Variants in COBLL1 observed in about 807,000 individuals in gnomAD.
The protein encoded by COBLL1 is cordon-bleu protein-like 1.
Under a neutral mutation model 94.8 loss-of-function variants are expected in COBLL1, and 50 were observed. The observed-to-expected ratio is 0.53, with a 90% confidence interval of 0.42 to 0.67. The LOEUF (loss-of-function observed/expected upper bound fraction) is 0.67. Among genes scored for constraint, COBLL1 ranks in the 30% least tolerant of loss-of-function variants. The probability of loss-of-function intolerance (pLI) is 0.00; values close to 1 mark genes in which losing one functional copy is unlikely to be tolerated. For missense variants in COBLL1, 1,362 were observed against 1,348.7 expected (o/e 1.01, Z -0.15); for synonymous variants, 448 against 473.8 (o/e 0.95, Z 0.71).
At chr2:164,753,502 T>G in intron 2 of COBLL1, among the ~76,000 whole-genome samples, 1 of 152,136 alleles carries the variant, frequency 6.6e-6, no homozygotes, top group Middle Eastern at 3.2e-3. Flanking sequence ...CTTGCCTGCT[T>G]CTTCCAAGTA....
Position 164,841,681 on chromosome 2 carries a change from ATC to A in COBLL1, c.-51+27_-51+28del. The A allele has an allele frequency of 2.5e-6, 1 of 403,548 alleles. No individual in the cohort carries two copies. Among genetic ancestry groups the A allele is most frequent in the Non-Finnish European group, 4.4e-6 (1 of 228,486 alleles). The allele number at this position is 403,548 out of a possible 1,614,324, so 25.0% of individuals were successfully genotyped here. A position where few individuals can be genotyped will look rare whatever the true frequency, so the allele number is the denominator to read the frequency against. On this transcript the variant is annotated intron_variant, in intron 1 of 13. Transcript: ENST00000652658. This position sits in a 1 kb window ranked among gnomAD's most constrained non-coding sequence, Gnocchi z 5.5. ...TCCCGAAGAGAAGTTGGGAGGGCTG[ATC>A]TCTCTTTTCCCACCCAAGGCTCCTA...
chr2:164,813,413 C>G (rs1203634248), intron 2 of COBLL1, among the ~76,000 whole-genome samples: 1 of 152,054 alleles, frequency 6.6e-6, no homozygotes, highest in Non-Finnish European at 1.5e-5. Flanking sequence ...AGACTTTTTA[C>G]CTTGAATCAT....
intron 2 of COBLL1, among the ~76,000 whole-genome samples, chr2:164,757,329 A>G (rs1273652465): frequency 6.6e-6 from 1 of 152,228 alleles, no homozygotes; most frequent in Non-Finnish European, 1.5e-5. Context: ...ATAAATGTTC[A>G]ATCACATTTA....
intron 2 of COBLL1, among the ~76,000 whole-genome samples, chr2:164,746,102 C>A (rs1026493050): frequency 1.6e-4 from 25 of 152,128 alleles, no homozygotes; most frequent in African/African-American, 5.8e-4. Flanking sequence ...TTTGTCCAGA[C>A]CAAAAATCCT....
intron 1 of COBLL1, among the ~76,000 whole-genome samples, chr2:164,670,090 G>T (rs955503485): frequency 6.6e-6 from 1 of 152,088 alleles, no homozygotes; most frequent in Admixed American, 6.5e-5. Flanking sequence ...AGCTTATTCT[G>T]TACCACATTC....
At position 164,782,803 on chromosome 2, in the gene COBLL1, CTATAAA is replaced by C. The variant is rs1475384220; in HGVS notation, c.42-38934_42-38929del. On this transcript the variant is annotated intron_variant, in intron 2 of 13. Transcript: ENST00000652658. ...GCAACTGAAATATAAAAATAACATT[CTATAAA>C]TATATCACATTAAATGTTTAATAAA... is the stretch of plus-strand genomic sequence containing the variant. 6.6e-5 allele frequency among the ~76,000 whole-genome samples: 10 copies of C among 152,180 alleles called. No homozygotes were observed. In the South Asian group the frequency reaches 1.9e-3, roughly 28 times the overall value.
intron 5 of COBLL1, chr2:164,725,134 A>ATATATATATATATATATATATAT (rs1558956185): frequency 3.4e-4 from 19 of 55,356 alleles, no homozygotes; most frequent in African/African-American, 1.6e-3. Flanking sequence ...ATATATATAT[A>ATATATATATATATATATATATAT]AAATGAAAGC....
At chr2:164,806,741 C>A (rs1684175813) in intron 2 of COBLL1, among the ~76,000 whole-genome samples, 1 of 152,010 alleles carries the variant, frequency 6.6e-6, no homozygotes, top group African/African-American at 2.4e-5. Flanking sequence ...ACTCTGTCAC[C>A]CAACCTGTGG....
At chr2:164,786,546 T>C (rs1403276929) in intron 2 of COBLL1, among the ~76,000 whole-genome samples, 2 of 152,186 alleles carry the variant, frequency 1.3e-5, no homozygotes, top group Admixed American at 1.3e-4. Context: ...CTCAGTTTCT[T>C]GGGTGATCCA....
chr2:164,841,439 C>T lies in COBLL1; in HGVS notation c.-50-193G>A, dbSNP rs1312309596. 1.7e-6 allele frequency: 2 copies of T among 1,152,586 alleles called. No individual in the cohort carries two copies. The highest frequency in any genetic ancestry group is 4.2e-5 in the East Asian group (1 of 23,740). The allele number at this position is 1,152,586 out of a possible 1,614,324, so 71.4% of individuals were successfully genotyped here. A position where few individuals can be genotyped will look rare whatever the true frequency, so the allele number is the denominator to read the frequency against. ...CGCCGTCTCTACAAGGTCTAGCGGGCGCCCAGAGCACGGCGGAGGAGGCGG... is the reference window on the plus strand; with the variant it reads ...CGCCGTCTCTACAAGGTCTAGCGGGTGCCCAGAGCACGGCGGAGGAGGCGG... On this transcript the variant is annotated intron_variant, in intron 1 of 13. Transcript: ENST00000652658. This position sits in a 1 kb window ranked among gnomAD's most constrained non-coding sequence, Gnocchi z 5.5.
intron 2 of COBLL1, among the ~76,000 whole-genome samples, chr2:164,832,036 A>T (rs955138302): frequency 3.9e-5 from 6 of 152,142 alleles, no homozygotes; most frequent in African/African-American, 1.4e-4. Context: ...GCACATCTCA[A>T]TCAATACACA....
chr2:164,812,503 C>T (rs1206386922), intron 2 of COBLL1, among the ~76,000 whole-genome samples: 1 of 151,810 alleles, frequency 6.6e-6, no homozygotes, highest in African/African-American at 2.4e-5. Flanking sequence ...AGCAAATAGC[C>T]TTTTTGTGAC....
At chr2:164,697,971 G>A (rs1684041350) in intron 11 of COBLL1, 1 of 151,986 alleles carries the variant, frequency 6.6e-6, no homozygotes, top group Admixed American at 6.6e-5. Flanking sequence ...GATAAGGGTA[G>A]GTAAAAAGGA....
At chr2:164,715,771 T>C (rs765369780) in intron 7 of COBLL1, among the ~76,000 whole-genome samples, 9 of 151,752 alleles carry the variant, frequency 5.9e-5, no homozygotes, top group South Asian at 2.1e-4. Flanking sequence ...TAGTTGAGTG[T>C]TTGTCTGAAG....
At chr2:164,733,760 C>T (rs985872345) in intron 3 of COBLL1, among the ~76,000 whole-genome samples, 8 of 152,144 alleles carry the variant, frequency 5.3e-5, no homozygotes, top group African/African-American at 1.9e-4. Context: ...GTGGATCTTT[C>T]TATGGTTTGT....
chr2:164,757,220 T>TTA, intron 2 of COBLL1, among the ~76,000 whole-genome samples: 1 of 152,316 alleles, frequency 6.6e-6, no homozygotes, highest in East Asian at 1.9e-4. Context: ...CATTGGAACT[T>TTA]TATAAACTCT....
At chr2:164,687,174 C>T (rs1397252729) in intron 13 of COBLL1, 2 of 381,768 alleles carry the variant, frequency 5.2e-6, no homozygotes, top group Non-Finnish European at 4.8e-6. Context: ...AGATTTCTTT[C>T]CAAGTATAGC....
At chr2:164,693,426 G>A (rs949702376) in intron 12 of COBLL1, among the ~76,000 whole-genome samples, 3 of 152,034 alleles carry the variant, frequency 2.0e-5, no homozygotes, top group African/African-American at 7.2e-5. Context: ...AAATACTTCT[G>A]GAACTGTCAC....
chr2:164,706,152 C>T (rs976484710), intron 7 of COBLL1, among the ~76,000 whole-genome samples: 7 of 152,174 alleles, frequency 4.6e-5, no homozygotes, highest in African/African-American at 1.7e-4. Flanking sequence ...AAAAGGATTC[C>T]TATCAAAGTC....
Sources: gnomAD v4.1 joint callset for allele counts (sites outside exome capture counted in the v4.1 genomes callset) on GRCh38, gnomAD v4.1.1 for gene constraint, Gnocchi (gnomAD v3.1) non-coding constraint, MANE v1.5 for transcripts, NCBI Gene and HGNC (gene_info 2026-07-23, HGNC 2026-07-21) for gene names.